The following RALYL variants were observed in gnomAD, a reference collection of about 807,000 sequenced individuals.
The protein encoded by RALYL is RALY RNA binding protein like.
In RALYL, 29 loss-of-function variants were observed where a neutral mutation model predicts 35.1. That is an observed-to-expected ratio of 0.83 (90% CI 0.61 to 1.13). The LOEUF is 1.13. RALYL is among the 50% of genes most tolerant of loss of function. The pLI is 0.00. For missense variants in RALYL, 359 were observed against 360.4 expected (o/e 1.00, Z 0.03); for synonymous variants, 120 against 127.6 (o/e 0.94, Z 0.40).
chr8:84,737,476 A>G (rs553738536), intron 2 of RALYL, among the ~76,000 whole-genome samples: 1 of 152,154 alleles, frequency 6.6e-6, no homozygotes, highest in East Asian at 1.9e-4. Flanking sequence ...ACACATTTAT[A>G]TAATATACAC....
chr8:84,359,348 T>G lies in RALYL; in HGVS notation c.-23-169951T>G, dbSNP rs540643726. 3.3e-5 allele frequency among the ~76,000 whole-genome samples: 5 copies of G among 152,020 alleles called. No homozygotes were observed. The South Asian group carries it at 8.3e-4, about 25-fold the overall frequency. On this transcript the variant is annotated intron_variant, in intron 1 of 8. Transcript: ENST00000521268. Reference sequence around the variant, plus strand: ...CTTTTGTTAAGTTAACCATCTATCCTTGTGAAGTGACTAGAATGAAGGGTT... The same window carrying G: ...CTTTTGTTAAGTTAACCATCTATCCGTGTGAAGTGACTAGAATGAAGGGTT...
intron 2 of RALYL, among the ~76,000 whole-genome samples, chr8:84,728,599 T>C (rs1031222130): frequency 3.3e-5 from 5 of 152,174 alleles, no homozygotes; most frequent in African/African-American, 1.2e-4. Context: ...AGGGTTTTTA[T>C]GGTTTTAGGT....
At chr8:84,449,679 ATCTCAAC>A (rs1373773426) in intron 1 of RALYL, among the ~76,000 whole-genome samples, 1 of 151,980 alleles carries the variant, frequency 6.6e-6, no homozygotes, top group Middle Eastern at 3.2e-3. Context: ...TGTTTAGTAA[ATCTCAAC>A]TGAGAAACAT....
At chr8:84,192,220 A>G (rs2130882712) in intron 1 of RALYL, among the ~76,000 whole-genome samples, 1 of 152,350 alleles carries the variant, frequency 6.6e-6, no homozygotes, top group African/African-American at 2.4e-5. Context: ...AAATTCAGAG[A>G]AAGGACCAGT....
chr8:84,753,419 T>A (rs1409989389), intron 2 of RALYL, among the ~76,000 whole-genome samples: 1 of 152,124 alleles, frequency 6.6e-6, no homozygotes, highest in Non-Finnish European at 1.5e-5. Flanking sequence ...GGGAGACTGT[T>A]GGGAAGGTAT....
At chr8:84,471,945 A>G (rs1361685017) in intron 1 of RALYL, among the ~76,000 whole-genome samples, 1 of 152,222 alleles carries the variant, frequency 6.6e-6, no homozygotes, top group African/African-American at 2.4e-5. Flanking sequence ...AATACTTTGG[A>G]CAATACTTAC....
At chr8:84,407,972 G>A (rs1333542535) in intron 1 of RALYL, among the ~76,000 whole-genome samples, 2 of 151,988 alleles carry the variant, frequency 1.3e-5, no homozygotes, top group Non-Finnish European at 2.9e-5. Context: ...ATCCAGGGCT[G>A]TCTCTAGAGA....
rs978258924 is a variant in RALYL, at chr8:84,538,104, A to G, written c.256+8527A>G. Among the ~76,000 whole-genome samples, 3 of 152,228 alleles carry G rather than the reference A, an allele frequency of 2.0e-5. 1 individual carries two copies. In the South Asian group the frequency reaches 6.2e-4, roughly 31 times the overall value. The stretch of plus-strand genomic sequence containing the variant: ...AAATGCTAATTAGCAAGCCTCCACG[A>G]TAGAGTGAATTGTAGAACTAACGGT... On this transcript the variant is annotated intron_variant, in intron 2 of 8. Coordinates refer to ENST00000521268, the MANE Select transcript of RALYL (RefSeq NM_173848.7).
chr8:84,694,195 A>G (rs1838670922), intron 2 of RALYL, among the ~76,000 whole-genome samples: 1 of 151,942 alleles, frequency 6.6e-6, no homozygotes, highest in African/African-American at 2.4e-5. Flanking sequence ...ACATGATCTT[A>G]TATAGAGAAA....
chr8:84,592,052 C>T (rs1189856623), intron 2 of RALYL, among the ~76,000 whole-genome samples: 1 of 152,014 alleles, frequency 6.6e-6, no homozygotes, highest in South Asian at 2.1e-4. Context: ...AGCAGCTAAC[C>T]AGTGCATTTT....
intron 3 of RALYL, among the ~76,000 whole-genome samples, chr8:84,796,468 T>C (rs753498390): frequency 4.6e-5 from 7 of 152,242 alleles, no homozygotes; most frequent in Admixed American, 1.3e-4. Context: ...ATTAAATCTT[T>C]AGGCAATAAA....
chr8:84,559,561 T>G (rs1246835245), intron 2 of RALYL, among the ~76,000 whole-genome samples: 1 of 152,084 alleles, frequency 6.6e-6, no homozygotes. Flanking sequence ...TGTAGATGAT[T>G]GTGAATTTAG....
chr8:84,391,986 T>C (rs1336469423), intron 1 of RALYL, among the ~76,000 whole-genome samples: 2 of 152,054 alleles, frequency 1.3e-5, no homozygotes, highest in African/African-American at 2.4e-5. Flanking sequence ...TTTCCTTACA[T>C]GCAAGTAAAA....
intron 2 of RALYL, among the ~76,000 whole-genome samples, chr8:84,770,437 T>C (rs1815165544): frequency 6.6e-6 from 1 of 152,012 alleles, no homozygotes; most frequent in African/African-American, 2.4e-5. Context: ...AATTTCTTTA[T>C]TCACTTGCTG....
chr8:84,305,729 T>A lies in RALYL; in HGVS notation c.-24+121305T>A, dbSNP rs183297148. ...GTAAGGAAAACAAGTTGGTTGGTAA[T>A]TGAATATAATAGCATTCATCCCAGC... On this transcript the variant is annotated intron_variant, in intron 1 of 8. Transcript: ENST00000521268. Among the ~76,000 whole-genome samples the A allele has an allele frequency of 2.7e-3, 417 of 152,296 alleles. 2 individuals are homozygous for A. Among genetic ancestry groups the A allele is most frequent in the African/African-American group, 9.4e-3 (391 of 41,572 alleles).
intron 2 of RALYL, among the ~76,000 whole-genome samples, chr8:84,642,173 G>A (rs1306949766): frequency 6.6e-6 from 1 of 151,826 alleles, no homozygotes; most frequent in Non-Finnish European, 1.5e-5. Context: ...TTTTACCTTG[G>A]AACTCTAGCC....
chr8:84,222,931 T>C lies in RALYL; in HGVS notation c.-24+38507T>C, dbSNP rs117152225. Among the ~76,000 whole-genome samples the C allele has an allele frequency of 2.6e-4, 40 of 152,270 alleles. 1 individual carries two copies. In the East Asian group the frequency reaches 7.2e-3, roughly 27 times the overall value. ...AGGAATCCAAGTACCAGAGGAGCTG[T>C]TATTGTAGTGCTACTGCCTGCCACA... On this transcript the variant is annotated intron_variant, in intron 1 of 8. Transcript: ENST00000521268.
chr8:84,343,124 C>T (rs1849169589), intron 1 of RALYL, among the ~76,000 whole-genome samples: 1 of 151,862 alleles, frequency 6.6e-6, no homozygotes, highest in Non-Finnish European at 1.5e-5. Flanking sequence ...AGATTTAGTT[C>T]TATAGGTTAC....
intron 1 of RALYL, among the ~76,000 whole-genome samples, chr8:84,202,825 T>C (rs967880399): frequency 6.6e-6 from 1 of 152,246 alleles, no homozygotes; most frequent in Non-Finnish European, 1.5e-5. Context: ...TTGCTAAATG[T>C]ATTTTTTCAT....
Sources: allele counts gnomAD v4.1 joint callset (sites outside exome capture counted in the v4.1 genomes callset), GRCh38; gene constraint gnomAD v4.1.1; transcripts MANE v1.5; gene names NCBI Gene and HGNC (gene_info 2026-07-23, HGNC 2026-07-21).